Variants in SMUG1 observed in about 807,000 individuals in gnomAD.
SMUG1 encodes single-strand selective monofunctional uracil DNA glycosylase.
Under a neutral mutation model 23.9 loss-of-function variants are expected in SMUG1, and 13 were observed. The observed-to-expected ratio is 0.54, with a 90% CI of 0.35 to 0.86. The LOEUF is 0.86. SMUG1 is among the 40% of genes least tolerant of loss of function. The pLI, the probability that SMUG1 is intolerant of heterozygous loss-of-function variation, is 0.01. For missense variants in SMUG1, 313 were observed against 339.5 expected, an observed-to-expected ratio of 0.92 and a Z score of 0.61; for synonymous variants, 133 against 139.8, an observed-to-expected ratio of 0.95 and a Z score of 0.34.
intron 1 of SMUG1, 60 bp from the exon 2 acceptor site, chr12:54,187,962 C>T (rs923406045): frequency 2.6e-5 from 4 of 152,044 alleles, no homozygotes; most frequent in African/African-American, 9.7e-5. Context: ...CTTTAATACC[C>T]GGAACAAAAC....
intron 2 of SMUG1, chr12:54,173,260 CGGGAGA>C (rs2136547257): frequency 6.5e-6 from 1 of 153,790 alleles, no homozygotes; most frequent in Non-Finnish European, 1.5e-5. Flanking sequence ...AGAGAGCAAA[CGGGAGA>C]GGCATCGTGA....
At chr12:54,177,103 T>A (rs1278294665), downstream of SMUG1, among the ~76,000 whole-genome samples, 2 of 152,226 alleles carry the variant, frequency 1.3e-5, no homozygotes, top group Non-Finnish European at 2.9e-5. Context: ...CTGCTCTGAA[T>A]ACCTACTTTG....
In SMUG1 at chr12:54,188,267, A is replaced by AAAT. The variant is rs869140620; in HGVS notation, c.-103-368_-103-366dup. On this transcript the variant is annotated intron_variant, in intron 1 of 3. Transcript: ENST00000682136. Reference sequence around the variant, plus strand: ...GGACAATAATAAATATCCTTAAACGAAATAATAATAATAATAATAATAATA... The same window carrying AAAT: ...GGACAATAATAAATATCCTTAAACGAAATAATAATAATAATAATAATAATAATA... 6.7e-3 allele frequency among the ~76,000 whole-genome samples: 747 copies of AAAT among 111,514 alleles called. 9 individuals are homozygous for AAAT. The highest frequency in any genetic ancestry group is 0.025 in the East Asian group (94 of 3,756). The allele number at this position is 111,514 out of a possible 152,430, so 73.2% of individuals were successfully genotyped here. A position where few individuals can be genotyped will look rare whatever the true frequency, so the allele number is the denominator to read the frequency against.
In SMUG1 at chr12:54,173,619, A is replaced by G. The variant is rs924962333; in HGVS notation, c.399-1510T>C. Among the ~76,000 whole-genome samples, 171 of 152,258 alleles carry G rather than the reference A, an allele frequency of 1.1e-3. 3 individuals are homozygous for G. Among genetic ancestry groups the G allele is most frequent in the East Asian group, 3.9e-4 (2 of 5,172 alleles). Reference sequence around the variant, plus strand: ...GCCGCGCGGGCTGGTTATGCATTTAAATGTTATTTAATTGGATTGCGGAGG... The same window carrying G: ...GCCGCGCGGGCTGGTTATGCATTTAGATGTTATTTAATTGGATTGCGGAGG... On this transcript the variant is annotated intron_variant and NMD_transcript_variant, in intron 2 of 4. Coordinates refer to the SMUG1 transcript ENST00000509864.
chr12:54,160,613 C>A (rs1565796503), downstream of SMUG1, among the ~76,000 whole-genome samples: 1 of 152,342 alleles, frequency 6.6e-6, no homozygotes, highest in South Asian at 2.1e-4. Flanking sequence ...TCTCTCCATC[C>A]ACCACCTCTC....
At chr12:54,175,584 G>A (rs1451530237), downstream of SMUG1, among the ~76,000 whole-genome samples, 3 of 152,150 alleles carry the variant, frequency 2.0e-5, no homozygotes, top group Non-Finnish European at 4.4e-5. Flanking sequence ...TCTCTCACAG[G>A]CACACACACC....
intron 3 of SMUG1, among the ~76,000 whole-genome samples, chr12:54,166,843 C>T (rs1940480336): frequency 6.6e-6 from 1 of 152,078 alleles, no homozygotes; most frequent in Non-Finnish European, 1.5e-5. Context: ...AAGCCAGACT[C>T]CTCCCACAAA....
chr12:54,171,174 A>AT (rs1239852120), intron 3 of SMUG1, among the ~76,000 whole-genome samples: 1 of 149,950 alleles, frequency 6.7e-6, no homozygotes, highest in African/African-American at 2.5e-5. Flanking sequence ...TAATTTTTGT[A>AT]TTTTTCAGTA....
Position 54,182,470 on chromosome 12 carries a change from T to G in SMUG1, c.439A>C (p.Asn147His). 1 of 1,613,866 alleles carries G rather than the reference T, an allele frequency of 6.2e-7. No homozygotes were observed. The highest frequency in any genetic ancestry group is 1.1e-5 in the South Asian group (1 of 91,068). Residue 147 changes from asparagine (N) to histidine (H), a missense_variant, in exon 4 of 4, where the codon AAC becomes CAC. Asn to His is a moderately conservative substitution (Grantham distance 68). Transcript: ENST00000682136. The stretch of plus-strand genomic sequence containing the variant: ...AAGACCTCAGGCTGTCCACAGAGGT[T>G]CCGGAAAAAGCCCCAGAATCGGGCA... Reference protein sequence around the residue: ...SGARFWGFFRNLCGQPEVFFH... With the variant: ...SGARFWGFFRHLCGQPEVFFH...
downstream of SMUG1, among the ~76,000 whole-genome samples, chr12:54,176,487 G>A (rs1301618695): frequency 1.6e-5 from 2 of 125,512 alleles, no homozygotes; most frequent in Non-Finnish European, 3.2e-5. Context: ...CTCCAGCCTG[G>A]GAAAGAGAAG....
intron 4 of SMUG1, among the ~76,000 whole-genome samples, chr12:54,158,581 G>A (rs1565795324): frequency 1.3e-5 from 2 of 152,202 alleles, no homozygotes; most frequent in East Asian, 3.9e-4. Flanking sequence ...CCGGGGAGAA[G>A]TCTGGAGGAG....
chr12:54,167,094 G>T (rs377726722), intron 3 of SMUG1, among the ~76,000 whole-genome samples: 2 of 152,148 alleles, frequency 1.3e-5, no homozygotes, highest in African/African-American at 4.8e-5. Flanking sequence ...GAGGGTGGGG[G>T]ATTGAGTGGT....
At chr12:54,176,897 G>A (rs1013583476), downstream of SMUG1, among the ~76,000 whole-genome samples, 11 of 151,190 alleles carry the variant, frequency 7.3e-5, no homozygotes, top group African/African-American at 2.7e-4. Context: ...AAGCTCAGAA[G>A]CATCCCCACC....
chr12:54,176,731 C>T (rs1357119158), downstream of SMUG1, among the ~76,000 whole-genome samples: 2 of 151,232 alleles, frequency 1.3e-5, no homozygotes, highest in Non-Finnish European at 2.9e-5. Flanking sequence ...GGCGTGAACC[C>T]GGGAAGCGGA....
rs145809308 is a variant in SMUG1, at chr12:54,170,622, A to T, written c.*52+1403T>A. On this transcript the variant is annotated intron_variant and NMD_transcript_variant, in intron 3 of 4. Coordinates refer to the SMUG1 transcript ENST00000509864. ...TTAGTTTTTGTTTTTTTTGTGAGACAGTCTCACTCTGTCACTCAGGCTGGT... is the reference window on the plus strand; with the variant it reads ...TTAGTTTTTGTTTTTTTTGTGAGACTGTCTCACTCTGTCACTCAGGCTGGT... Among the ~76,000 whole-genome samples the T allele has an allele frequency of 4.5e-3, 685 of 151,928 alleles. 4 individuals carry two copies. Among genetic ancestry groups the T allele is most frequent in the African/African-American group, 0.016 (644 of 41,390 alleles).
intron 3 of SMUG1, 156 bp downstream of exon 3, chr12:54,183,500 C>G (rs1435722719): frequency 1.4e-6 from 1 of 722,218 alleles, no homozygotes; most frequent in African/African-American, 1.9e-5. Context: ...GAGAGGGCCT[C>G]GGACCACAGG....
chr12:54,174,366 CA>C (rs57269477), intron 2 of SMUG1, among the ~76,000 whole-genome samples: 2 of 152,050 alleles, frequency 1.3e-5, no homozygotes, highest in East Asian at 1.9e-4. Context: ...AAAAACTGAA[CA>C]AAAAAACAAC....
At chr12:54,162,335 C>A (rs141889184), downstream of SMUG1, 1 of 152,208 alleles carries the variant, frequency 6.6e-6, no homozygotes, top group Admixed American at 6.5e-5. Context: ...TACCTTTATC[C>A]TTCAGGGTTC....
At chr12:54,186,954 A>ACTG in intron 2 of SMUG1, 5 of 152,356 alleles carry the variant, frequency 3.3e-5, no homozygotes, top group African/African-American at 1.2e-4. Flanking sequence ...GCCAAGGCAG[A>ACTG]AGAATTGCTT....
Sources: allele counts gnomAD v4.1 joint callset (sites outside exome capture counted in the v4.1 genomes callset), GRCh38; gene constraint gnomAD v4.1.1; transcripts MANE v1.5; gene names NCBI Gene and HGNC (gene_info 2026-07-23, HGNC 2026-07-21).